SLC27A1: variants seen among roughly 807,000 people sequenced by gnomAD.
SLC27A1 encodes the protein long-chain fatty acid transport protein 1.
Under a neutral mutation model 62.2 loss-of-function variants are expected in SLC27A1, and 61 were observed. The observed-to-expected ratio is 0.98, with a 90% CI of 0.80 to 1.21. The LOEUF is 1.21. Among genes scored for constraint, SLC27A1 ranks in the 50% most tolerant of loss-of-function variants. The pLI is 0.00. For missense variants in SLC27A1, 903 were observed against 932.1 expected, an observed-to-expected ratio of 0.97 and a Z score of 0.41; for synonymous variants, 435 against 408.6, an observed-to-expected ratio of 1.06 and a Z score of -0.78.
intron 6 of SLC27A1, among the ~76,000 whole-genome samples, chr19:17,491,753 A>G (rs2075295984): frequency 6.6e-6 from 1 of 152,118 alleles, no homozygotes; most frequent in African/African-American, 2.4e-5. Context: ...TTGTGCCTGT[A>G]GTCCCAGCTG....
chr19:17,470,537 C>T lies in SLC27A1; in HGVS notation c.-4C>T, dbSNP rs1201919174. ...GCGGCCTCAGCTCTCTCTGCTTCCC[C>T]AGGATGCGGGCTCCGGGTGCGGGCG... is the stretch of plus-strand genomic sequence containing the variant. On this transcript the variant is annotated 5_prime_UTR_variant, in exon 1 of 12. Coordinates refer to ENST00000252595, the MANE Select transcript of SLC27A1 (RefSeq NM_198580.3). 1 of 1,548,810 alleles carries T rather than the reference C, an allele frequency of 6.5e-7. No homozygotes were observed. The highest frequency in any genetic ancestry group is 2.4e-5 in the East Asian group (1 of 41,316).
chr19:17,480,131 G>C (rs1356166696), intron 1 of SLC27A1, among the ~76,000 whole-genome samples: 1 of 151,990 alleles, frequency 6.6e-6, no homozygotes, highest in Non-Finnish European at 1.5e-5. Flanking sequence ...AGGTTCCAGT[G>C]ATTCTCCTGC....
Position 17,504,675 on chromosome 19 carries a change from G to T in SLC27A1, c.*63G>T, listed in dbSNP as rs995418043. ...GGGAGAGGCCAGCTTGAGCCAGACAGCGCTGCCCAGGGGTGGCCGCCTAGT... is the reference window on the plus strand; with the variant it reads ...GGGAGAGGCCAGCTTGAGCCAGACATCGCTGCCCAGGGGTGGCCGCCTAGT... On this transcript the variant is annotated 3_prime_UTR_variant, in exon 12 of 12. Transcript: ENST00000252595. The T allele has an allele frequency of 1.1e-5, 18 of 1,603,736 alleles. No homozygotes were observed. The African/African-American group carries it at 2.4e-4, about 22-fold the overall frequency.
chr19:17,487,724 C>T (rs1453115382), intron 4 of SLC27A1, among the ~76,000 whole-genome samples, 195 bp downstream of exon 4: 1 of 152,144 alleles, frequency 6.6e-6, no homozygotes, highest in Non-Finnish European at 1.5e-5. Flanking sequence ...CATTGCAACC[C>T]TCATAACTGC....
upstream of SLC27A1, chr19:17,470,495 C>T (rs1377216275): frequency 1.4e-5 from 20 of 1,457,054 alleles, no homozygotes; most frequent in Non-Finnish European, 1.6e-5. Flanking sequence ...GGTCGTGGGG[C>T]GGGGCTGGAG....
rs1398934361 is a variant in SLC27A1, at chr19:17,500,367, G to A, written c.1296G>A (p.Leu432=). Residue 432 remains leucine, a synonymous_variant, in exon 8 of 12, where the codon CTG becomes CTA. Transcript: ENST00000252595. ...VKVNEDTMEL[L]RDAQGLCIPC... ...TCAATGAGGACACAATGGAGCTGCT[G>A]CGGGATGCCCAGGGCCTCTGCATCC... 3 of 1,614,088 alleles carry A rather than the reference G, an allele frequency of 1.9e-6. No homozygotes were observed. The highest frequency in any genetic ancestry group is 2.7e-5 in the African/African-American group (2 of 74,952).
In SLC27A1 at chr19:17,500,543, G is replaced by GC; in HGVS notation, c.1384dup (p.Arg462ProfsTer31). On this transcript the variant is annotated frameshift_variant, in exon 9 of 12. Coordinates refer to ENST00000252595, the MANE Select transcript of SLC27A1 (RefSeq NM_198580.3). LOFTEE classifies it high-confidence loss of function. ...CAGATCAACCAACAGGACCCGCTGC[G>GC]CCGCTTCGATGGCTATGTCAGCGAG... 1 of 1,613,464 alleles carries GC rather than the reference G, an allele frequency of 6.2e-7. No homozygotes were observed. Among genetic ancestry groups the GC allele is most frequent in the Non-Finnish European group, 8.5e-7 (1 of 1,179,800 alleles).
chr19:17,497,097 C>G (rs2075357389), intron 6 of SLC27A1, 158 bp from the exon 7 acceptor site: 1 of 574,496 alleles, frequency 1.7e-6, no homozygotes. Flanking sequence ...AATGTGGTCC[C>G]TAATGGAGTG....
At chr19:17,482,059 G>A (rs1370592066) in intron 1 of SLC27A1, among the ~76,000 whole-genome samples, 2 of 152,140 alleles carry the variant, frequency 1.3e-5, no homozygotes, top group Non-Finnish European at 2.9e-5. Context: ...GAGATTATTT[G>A]TAGCAAGCTC....
At position 17,470,633 on chromosome 19, in the gene SLC27A1, G is replaced by C; in HGVS notation, c.93G>C (p.Ala31=). The change falls in exon 1 of 12, where the codon GCG becomes GCC. Residue 31 remains alanine (A), a synonymous_variant. Transcript: ENST00000252595. ...CGTGGACCTGGAGCGCGGCAGCGGC[G>C]CTCGGCGTGTACGTGGGCAGCGGCG... is the stretch of plus-strand genomic sequence containing the variant. ...GLPWTWSAAA[A]LGVYVGSGGW... 6.3e-7 allele frequency: 1 copy of C among 1,576,504 alleles called. No homozygotes were observed. Among genetic ancestry groups the C allele is most frequent in the Non-Finnish European group, 8.6e-7 (1 of 1,168,412 alleles).
intron 1 of SLC27A1, among the ~76,000 whole-genome samples, chr19:17,475,058 G>A (rs537968852): frequency 2.0e-4 from 31 of 152,062 alleles, no homozygotes; most frequent in African/African-American, 7.0e-4. Context: ...GGGATTACAG[G>A]TGCCTGCCAC....
At position 17,470,530 on chromosome 19, in the gene SLC27A1, G is replaced by T. The variant is rs755187978; in HGVS notation, c.-11G>T. 1.7e-5 allele frequency: 26 copies of T among 1,544,840 alleles called. No homozygotes were observed. The highest frequency in any genetic ancestry group is 1.2e-4 in the South Asian group (10 of 85,222). On this transcript the variant is annotated 5_prime_UTR_variant, in exon 1 of 12. Transcript: ENST00000252595. ...GCGGCCCGCGGCCTCAGCTCTCTCT[G>T]CTTCCCCAGGATGCGGGCTCCGGGT...
intron 1 of SLC27A1, among the ~76,000 whole-genome samples, chr19:17,480,496 G>C (rs1296138462): frequency 6.8e-6 from 1 of 147,378 alleles, no homozygotes; most frequent in Non-Finnish European, 1.5e-5. Flanking sequence ...TCATCCTCCT[G>C]AGTAGCTGGG....
chr19:17,491,054 G>A (rs976278206), intron 6 of SLC27A1: 5 of 119,688 alleles, frequency 4.2e-5, no homozygotes, highest in Admixed American at 8.2e-5. Flanking sequence ...AAAAAAATTT[G>A]GCCGGGCATG....
chr19:17,496,630 C>G (rs1159273711), intron 6 of SLC27A1: 1 of 153,856 alleles, frequency 6.5e-6, no homozygotes. Context: ...CCTGCTAGTC[C>G]TGCCCTGTGT....
At position 17,489,003 on chromosome 19, in the gene SLC27A1, T is replaced by TTACCAAG. The variant is rs1195768284; in HGVS notation, c.887-5_887-4insTACCAAG. ...GGGACCCCTTACCAAGGCCACCCTC[T>TTACCAAG]GCAGGAAACATCATCGGCGTGGGGC... On this transcript the variant is annotated splice_region_variant and splice_polypyrimidine_tract_variant and intron_variant, in intron 5 of 11. Transcript: ENST00000252595. 1.9e-6 allele frequency: 3 copies of TTACCAAG among 1,614,012 alleles called. No individual in the cohort carries two copies. Among genetic ancestry groups the TTACCAAG allele is most frequent in the Non-Finnish European group, 2.5e-6 (3 of 1,179,998 alleles).
intron 1 of SLC27A1, among the ~76,000 whole-genome samples, chr19:17,471,209 G>A (rs1192798894): frequency 1.3e-5 from 2 of 152,088 alleles, no homozygotes; most frequent in Non-Finnish European, 2.9e-5. Flanking sequence ...GGTCTATCTA[G>A]GGCTTTCTCT....
intron 1 of SLC27A1, among the ~76,000 whole-genome samples, chr19:17,474,717 G>A (rs899062050): frequency 2.8e-5 from 4 of 141,958 alleles, no homozygotes; most frequent in East Asian, 2.3e-4. Context: ...CGCAACCTCC[G>A]CCTCCCAGGT....
chr19:17,501,659 C>T lies in SLC27A1; in HGVS notation c.1783+240C>T, dbSNP rs112716319. On this transcript the variant is annotated intron_variant, in intron 11 of 11. Transcript: ENST00000252595. ...TCTACTAAAAATACAAAAAATTAGC[C>T]GGGCACGGTTGCGGGTGCCTGTAGT... Among the ~76,000 whole-genome samples, 12 of 151,966 alleles carry T rather than the reference C, an allele frequency of 7.9e-5. 1 individual carries two copies. The East Asian group carries it at 1.2e-3, about 15-fold the overall frequency.
Sources: gnomAD v4.1 joint callset for allele counts (sites outside exome capture counted in the v4.1 genomes callset) on GRCh38, gnomAD v4.1.1 for gene constraint, MANE v1.5 for transcripts, NCBI Gene and HGNC (gene_info 2026-07-23, HGNC 2026-07-21) for gene names.